TNS3: variants seen among roughly 807,000 people sequenced by gnomAD.
TNS3 encodes the protein tensin 3, also known as tensin-3.
In TNS3, 45 loss-of-function variants were observed where a neutral mutation model predicts 140.9. That is an observed-to-expected ratio of 0.32 (90% CI 0.25 to 0.41). The LOEUF is 0.41. TNS3 is among the 10% of genes least tolerant of loss of function. The probability of loss-of-function intolerance (pLI) is 1.00; values close to 1 mark genes in which losing one functional copy is unlikely to be tolerated. For synonymous variants in TNS3, 815 were observed against 788.4 expected (o/e 1.03, Z -0.56); for missense variants, 1,716 against 1,906.7 (o/e 0.90, Z 1.86).
At chr7:47,312,308 G>A (rs1787149342) in intron 20 of TNS3, among the ~76,000 whole-genome samples, 1 of 152,292 alleles carries the variant, frequency 6.6e-6, no homozygotes, top group East Asian at 1.9e-4. Context: ...AAACAAAGAT[G>A]CATGGAGTTT....
chr7:47,279,338 T>C (rs1413389602), intron 30 of TNS3: 2 of 152,142 alleles, frequency 1.3e-5, no homozygotes, highest in African/African-American at 4.8e-5. Context: ...ACAGGAACAC[T>C]GGGCCAGGAA....
At chr7:47,405,794 G>T (rs1339948595) in intron 13 of TNS3, among the ~76,000 whole-genome samples, 3 of 152,148 alleles carry the variant, frequency 2.0e-5, no homozygotes, top group African/African-American at 7.2e-5. Flanking sequence ...CCCTCGGTAA[G>T]AAACAACCAG....
chr7:47,578,973 T>TGACA (rs200053152), intron 1 of TNS3, among the ~76,000 whole-genome samples: 52,895 of 151,576 alleles, frequency 0.35, 10,065 homozygotes, highest in Non-Finnish European at 0.43. Flanking sequence ...CTCAGCGTTT[T>TGACA]AGGAGCAGTG....
chr7:47,357,198 A>G (rs1790044112), intron 17 of TNS3, among the ~76,000 whole-genome samples: 1 of 152,216 alleles, frequency 6.6e-6, no homozygotes, highest in African/African-American at 2.4e-5. Context: ...CTATCTGGGC[A>G]CTAGAAGGTA....
intron 2 of TNS3, among the ~76,000 whole-genome samples, chr7:47,522,669 C>T (rs929899580): frequency 3.9e-5 from 6 of 152,212 alleles, no homozygotes; most frequent in African/African-American, 1.4e-4. Context: ...TGGCTCACGC[C>T]TGTAATCCCA....
At chr7:47,562,547 C>T (rs1238842923) in intron 1 of TNS3, among the ~76,000 whole-genome samples, 6 of 152,108 alleles carry the variant, frequency 3.9e-5, no homozygotes, top group Admixed American at 2.0e-4. Context: ...CCACCACACT[C>T]GGCTAATTTT....
chr7:47,424,295 G>A lies in TNS3; in HGVS notation c.390-111C>T, dbSNP rs1339356638. ...TTCAAAGCGACCAGCTCCCACAAGG[G>A]GCTTCACCCTTTGCTGCACCTGTGC... On this transcript the variant is annotated intron_variant, in intron 9 of 30. Transcript: ENST00000311160. 4.1e-6 allele frequency: 4 copies of A among 985,846 alleles called. No homozygotes were observed. In the African/African-American group the frequency reaches 4.8e-5, roughly 12 times the overall value. The allele number at this position is 985,846 out of a possible 1,614,324, so 61.1% of individuals were successfully genotyped here.
At chr7:47,468,434 C>T (rs1341159593) in intron 4 of TNS3, among the ~76,000 whole-genome samples, 1 of 143,568 alleles carries the variant, frequency 7.0e-6, no homozygotes, top group African/African-American at 2.8e-5. Flanking sequence ...GGGCAAGAAT[C>T]TGTCTCAAAA....
At position 47,278,181 on chromosome 7, in the gene TNS3, C is replaced by T. The variant is rs200067632; in HGVS notation, c.4233G>A (p.Thr1411=). 3.0e-5 allele frequency: 49 copies of T among 1,614,132 alleles called. 1 individual carries two copies. In the East Asian group the frequency reaches 4.2e-4, roughly 14 times the overall value. The change falls in exon 31 of 31, where the codon ACG becomes ACA. Residue 1411 remains threonine, a synonymous_variant. Coordinates refer to ENST00000311160, the MANE Select transcript of TNS3 (RefSeq NM_022748.12). ...CTGCAAACAGGTGGCACACATTATC[C>T]GTGGCACTGCCCTGCTTCCGGGCCA... ...GFVARKQGSA[T]DNVCHLFAEH...
intron 1 of TNS3, among the ~76,000 whole-genome samples, chr7:47,581,850 C>T (rs2152035039): frequency 6.6e-6 from 1 of 152,070 alleles, no homozygotes; most frequent in Admixed American, 6.5e-5. Context: ...GTGACCCCAT[C>T]CCCGCGCCCT....
chr7:47,452,959 G>C, intron 4 of TNS3: 1 of 985,476 alleles, frequency 1.0e-6, no homozygotes. Context: ...AGGGACCACC[G>C]GCCAGGGCTG....
rs146236679 is a variant in TNS3 at position 47,276,577 on chromosome 7, G to C, written c.*1499C>G. The C allele has an allele frequency of 8.5e-5, 13 of 152,384 alleles. No individual in the cohort carries two copies. Among genetic ancestry groups the C allele is most frequent in the African/African-American group, 2.9e-4 (12 of 41,580 alleles). The allele number at this position is 152,384 out of a possible 1,614,324, so 9.4% of individuals were successfully genotyped here. A position where few individuals can be genotyped will look rare whatever the true frequency, so the allele number is the denominator to read the frequency against. ...TGCCTGCAGAGCACCTAGGCTGTGA[G>C]AGGATGGGGCCAAGGCCTTATTCTG... On this transcript the variant is annotated 3_prime_UTR_variant, in exon 31 of 31. Coordinates refer to ENST00000311160, the MANE Select transcript of TNS3 (RefSeq NM_022748.12).
At chr7:47,439,698 A>G in intron 5 of TNS3, 40 bp from the exon 6 acceptor site, 1 of 1,602,400 alleles carries the variant, frequency 6.2e-7, no homozygotes, top group Non-Finnish European at 8.5e-7. Flanking sequence ...CAGGGTAAGG[A>G]GGCAGCAGAC....
intron 4 of TNS3, among the ~76,000 whole-genome samples, chr7:47,458,051 G>A (rs1286843592): frequency 6.6e-6 from 1 of 152,250 alleles, no homozygotes. Flanking sequence ...TATTGAGACA[G>A]TACGTCTCAT....
In TNS3 at chr7:47,277,985, G is replaced by A; in HGVS notation, c.*91C>T. The A allele has an allele frequency of 1.4e-6, 2 of 1,448,444 alleles. No homozygotes were observed. Among genetic ancestry groups the A allele is most frequent in the Non-Finnish European group, 1.9e-6 (2 of 1,035,458 alleles). The allele number at this position is 1,448,444 out of a possible 1,614,324, so 89.7% of individuals were successfully genotyped here. On this transcript the variant is annotated 3_prime_UTR_variant, in exon 31 of 31. Transcript: ENST00000311160. Reference sequence around the variant, plus strand: ...TGGGCCTGGAATGTCAGGTTTACTAGTTTGGTAAAAAGTGGGGGCCCCACC... The same window carrying A: ...TGGGCCTGGAATGTCAGGTTTACTAATTTGGTAAAAAGTGGGGGCCCCACC...
Position 47,400,775 on chromosome 7 carries a change from C to T in TNS3, c.853+10G>A, listed in dbSNP as rs1458953628. 1.2e-6 allele frequency: 2 copies of T among 1,613,404 alleles called. No homozygotes were observed. Among genetic ancestry groups the T allele is most frequent in the Non-Finnish European group, 1.7e-6 (2 of 1,179,488 alleles). ...CCCACAAGCACAGGGCCGCCAGCTC[C>T]GCGCCTCACCTTTGCTGGCATTGTC... On this transcript the variant is annotated intron_variant, in intron 14 of 30. Transcript: ENST00000311160.
rs887316187 is a variant in TNS3, at chr7:47,507,100, C to T, written c.-152-156G>A. 5.3e-5 allele frequency among the ~76,000 whole-genome samples: 8 copies of T among 152,244 alleles called. No individual in the cohort carries two copies. In the South Asian group the frequency reaches 6.2e-4, roughly 12 times the overall value. On this transcript the variant is annotated intron_variant, in intron 2 of 30. Transcript: ENST00000311160. Reference sequence around the variant, plus strand: ...GAGAGAGATTTTTACATATGACACACGGCAGTGTGGACAGAAGGCAGTGAG... The same window carrying T: ...GAGAGAGATTTTTACATATGACACATGGCAGTGTGGACAGAAGGCAGTGAG...
chr7:47,528,371 A>G (rs747169017), intron 2 of TNS3, among the ~76,000 whole-genome samples: 10 of 152,120 alleles, frequency 6.6e-5, no homozygotes, highest in Non-Finnish European at 1.2e-4. Flanking sequence ...CACATTTTCT[A>G]GAGGAAATCC....
At chr7:47,424,339 C>T (rs834598) in intron 9 of TNS3, among the ~76,000 whole-genome samples, 155 bp from the exon 10 acceptor site, 61,710 of 152,058 alleles carry the variant, frequency 0.41, 12,659 homozygotes, top group Non-Finnish European at 0.42. Context: ...TCCACCTGTC[C>T]CTTGTTAGAC....
Sources: gnomAD v4.1 joint callset for allele counts (sites outside exome capture counted in the v4.1 genomes callset) on GRCh38, gnomAD v4.1.1 for gene constraint, MANE v1.5 for transcripts, NCBI Gene and HGNC (gene_info 2026-07-23, HGNC 2026-07-21) for gene names.